OTOP1: variants seen among roughly 807,000 people sequenced by gnomAD.
OTOP1 encodes otopetrin 1.
Under a neutral mutation model 52.9 loss-of-function variants are expected in OTOP1, and 59 were observed. The observed-to-expected ratio is 1.12, with a 90% CI of 0.91 to 1.39. The LOEUF (loss-of-function observed/expected upper bound fraction) is 1.39, where lower values mean the gene tolerates loss of function less well. Among genes scored for constraint, OTOP1 ranks in the 40% most tolerant of loss-of-function variants. The probability of loss-of-function intolerance (pLI) is 0.00; values close to 1 mark genes in which losing one functional copy is unlikely to be tolerated. For synonymous variants in OTOP1, 317 were observed against 337.7 expected (o/e 0.94, Z 0.67); for missense variants, 761 against 800.9 (o/e 0.95, Z 0.60).
chr4:4,219,427 C>A (rs886794595), intron 1 of OTOP1, among the ~76,000 whole-genome samples: 2 of 152,084 alleles, frequency 1.3e-5, no homozygotes, highest in Non-Finnish European at 1.5e-5. Context: ...GATTGCCGGG[C>A]GCGGTGGCTC....
At chr4:4,202,130 A>G (rs953313527) in intron 4 of OTOP1, among the ~76,000 whole-genome samples, 3 of 152,174 alleles carry the variant, frequency 2.0e-5, no homozygotes, top group East Asian at 1.9e-4. Context: ...GCAACCATCA[A>G]TCTTCTGTAG....
chr4:4,192,343 T>G (rs1375639452), intron 5 of OTOP1, among the ~76,000 whole-genome samples: 3 of 152,102 alleles, frequency 2.0e-5, no homozygotes, highest in Non-Finnish European at 2.9e-5. Context: ...TGCCCAAGGC[T>G]TCACCAACTT....
chr4:4,206,475 C>T (rs1716909444), intron 2 of OTOP1, among the ~76,000 whole-genome samples: 1 of 152,328 alleles, frequency 6.6e-6, no homozygotes, highest in African/African-American at 2.4e-5. Flanking sequence ...TGGTTTATAT[C>T]ACATGTTAGT....
intron 1 of OTOP1, among the ~76,000 whole-genome samples, chr4:4,220,730 G>A (rs1354476167): frequency 2.0e-5 from 3 of 152,182 alleles, no homozygotes; most frequent in African/African-American, 7.2e-5. Context: ...AAGTTTACCA[G>A]CTACAATACT....
rs373671241 is a variant in OTOP1 at position 4,212,448 on chromosome 4, A to G, written c.540+420T>C. On this transcript the variant is annotated intron_variant, in intron 2 of 5. Coordinates refer to ENST00000296358, the MANE Select transcript of OTOP1 (RefSeq NM_177998.3). ...AGAATATTAAATTTTTTAGAAAAAT[A>G]AAATTGATTTTGGCAACTGTTGCAT... Among the ~76,000 whole-genome samples the G allele has an allele frequency of 1.3e-3, 202 of 152,352 alleles. 3 individuals are homozygous for G. The South Asian group carries it at 0.039, about 30-fold the overall frequency.
At chr4:4,224,471 G>A (rs960290597) in intron 1 of OTOP1, among the ~76,000 whole-genome samples, 1 of 151,918 alleles carries the variant, frequency 6.6e-6, no homozygotes, top group Admixed American at 6.6e-5. Context: ...ATGGAGGAGA[G>A]AAAGAAGGAA....
chr4:4,212,284 T>C (rs748343209), intron 2 of OTOP1, among the ~76,000 whole-genome samples: 3 of 152,190 alleles, frequency 2.0e-5, no homozygotes, highest in Non-Finnish European at 4.4e-5. Flanking sequence ...TCCTTACTTC[T>C]GAGCCACACC....
chr4:4,199,015 A>G (rs1415682711), intron 4 of OTOP1, among the ~76,000 whole-genome samples: 9 of 152,076 alleles, frequency 5.9e-5, no homozygotes, highest in Non-Finnish European at 1.3e-4. Context: ...ACATGGCGAA[A>G]CCTCGTCTCT....
intron 5 of OTOP1, among the ~76,000 whole-genome samples, chr4:4,196,263 A>G (rs2108796415): frequency 6.6e-6 from 1 of 152,210 alleles, no homozygotes; most frequent in Non-Finnish European, 1.5e-5. Flanking sequence ...TACAAAAAAA[A>G]AGTTTTGGCC....
chr4:4,206,393 G>C (rs1013159676), intron 2 of OTOP1, among the ~76,000 whole-genome samples: 39 of 152,184 alleles, frequency 2.6e-4, no homozygotes, highest in African/African-American at 9.4e-4. Flanking sequence ...TGATATGGGG[G>C]TGATTGATTG....
intron 1 of OTOP1, 112 bp downstream of exon 1, chr4:4,226,350 G>A (rs1402934366): frequency 1.2e-5 from 13 of 1,074,062 alleles, no homozygotes; most frequent in Non-Finnish European, 1.6e-5. Flanking sequence ...GAGAGACCAA[G>A]GCAGAAAAGG....
intron 2 of OTOP1, among the ~76,000 whole-genome samples, chr4:4,208,237 C>G (rs557485903): frequency 6.6e-6 from 1 of 152,250 alleles, no homozygotes; most frequent in African/African-American, 2.4e-5. Flanking sequence ...CAAGGAATTT[C>G]CTAGTGGACA....
chr4:4,196,526 T>C (rs931849682), intron 5 of OTOP1, among the ~76,000 whole-genome samples: 6 of 152,156 alleles, frequency 3.9e-5, no homozygotes, highest in African/African-American at 1.2e-4. Context: ...CATTGCACTG[T>C]AGCCTAGGCA....
At chr4:4,190,249 G>T (rs1716472855) in intron 5 of OTOP1, among the ~76,000 whole-genome samples, 1 of 152,176 alleles carries the variant, frequency 6.6e-6, no homozygotes, top group Admixed American at 6.5e-5. Flanking sequence ...AAGGCAGGTG[G>T]ATCACCTGAG....
At chr4:4,215,639 A>G (rs1318660987) in intron 1 of OTOP1, among the ~76,000 whole-genome samples, 1 of 151,978 alleles carries the variant, frequency 6.6e-6, no homozygotes, top group African/African-American at 2.4e-5. Context: ...CAGCCAGGGC[A>G]ACAAGAGTGA....
intron 5 of OTOP1, 25 bp from the exon 6 acceptor site, chr4:4,188,998 G>A (rs763982162): frequency 1.2e-6 from 2 of 1,605,806 alleles, no homozygotes; most frequent in Non-Finnish European, 1.7e-6. Context: ...AAAATGGCAT[G>A]TGGTGGGGAG....
At chr4:4,210,669 A>G (rs1392386164) in intron 2 of OTOP1, among the ~76,000 whole-genome samples, 1 of 152,152 alleles carries the variant, frequency 6.6e-6, no homozygotes. Context: ...CATCTTTACT[A>G]AAAATACAAA....
rs771125161 is a variant in OTOP1, at chr4:4,226,519, C to T, written c.346G>A (p.Ala116Thr). The change falls in exon 1 of 6, where the codon GCG becomes ACG. Residue 116 changes from alanine to threonine, a missense_variant. By Grantham distance (58) the Ala-to-Thr change is moderately conservative. Around this residue, in one of 3 missense-constraint regions of OTOP1, gnomAD observed 56 missense variants for 105.6 expected, o/e 0.53. Coordinates refer to ENST00000296358, the MANE Select transcript of OTOP1 (RefSeq NM_177998.3). ...WMLWYVGRSS[A>T]HRRLFRLKDT... The stretch of plus-strand genomic sequence containing the variant: ...TTGAGGCGGAAGAGGCGGCGGTGCG[C>T]GGAGCTGCGGCCCACGTACCACAGC... 259 of 1,589,674 alleles carry T rather than the reference C, an allele frequency of 1.6e-4. 1 individual carries two copies. In the East Asian group the frequency reaches 5.1e-3, roughly 31 times the overall value.
chr4:4,226,708 C>G lies in OTOP1; in HGVS notation c.157G>C (p.Val53Leu). The change falls in exon 1 of 6, where the codon GTC (valine) becomes CTC (leucine). Residue 53 changes from valine to leucine, a missense_variant. Val to Leu is a conservative substitution (Grantham distance 32). Around this residue, in one of 3 missense-constraint regions of OTOP1, gnomAD observed 56 missense variants for 105.6 expected, o/e 0.53. Coordinates refer to ENST00000296358, the MANE Select transcript of OTOP1 (RefSeq NM_177998.3). ...APRRGGVRAS[V>L]PQKLAEMLSS... ...AGCATCTCGGCCAGTTTCTGTGGGA[C>G]GCTGGCGCGCACACCGCCCCGCCGG... The G allele has an allele frequency of 6.9e-7, 1 of 1,441,810 alleles. No homozygotes were observed. Among genetic ancestry groups the G allele is most frequent in the Non-Finnish European group, 9.1e-7 (1 of 1,094,220 alleles). 89.3% of individuals were successfully genotyped at this position (1,441,810 alleles called of 1,614,324 possible).
Sources: allele counts gnomAD v4.1 joint callset (sites outside exome capture counted in the v4.1 genomes callset), GRCh38; gene constraint gnomAD v4.1.1; regional missense constraint gnomAD v4.1.1; transcripts MANE v1.5; gene names NCBI Gene and HGNC (gene_info 2026-07-23, HGNC 2026-07-21).